The following COL12A1 variants were observed in gnomAD, a reference collection of about 807,000 sequenced individuals.
COL12A1 encodes collagen alpha-1(XII) chain.
A neutral mutation model predicts 349.7 loss-of-function variants in COL12A1; 114 were observed. The ratio of observed to expected loss-of-function variants is 0.33; its 90% CI spans 0.28 to 0.38. COL12A1 has a LOEUF of 0.38. Among genes scored for constraint, COL12A1 ranks in the 10% least tolerant of loss-of-function variants. The probability of loss-of-function intolerance (pLI) is 1.00; values close to 1 mark genes in which losing one functional copy is unlikely to be tolerated. For missense variants in COL12A1, 3,284 were observed against 3,756.9 expected (o/e 0.87, Z 3.29); for synonymous variants, 1,369 against 1,329.0 (o/e 1.03, Z -0.66).
intron 27 of COL12A1, among the ~76,000 whole-genome samples, chr6:75,140,399 G>C (rs1766831108): frequency 6.6e-6 from 1 of 152,202 alleles, no homozygotes; most frequent in Admixed American, 6.5e-5. Context: ...GCTCACGCCT[G>C]TAATCCCAGC....
At chr6:75,092,021 A>C (rs1339386730) in intron 60 of COL12A1, among the ~76,000 whole-genome samples, 1 of 152,194 alleles carries the variant, frequency 6.6e-6, no homozygotes, top group African/African-American at 2.4e-5. Flanking sequence ...AACTTCATCC[A>C]GTGATTCTTT....
intron 2 of COL12A1, among the ~76,000 whole-genome samples, chr6:75,196,215 T>C (rs1415927855): frequency 6.6e-6 from 1 of 152,188 alleles, no homozygotes; most frequent in Non-Finnish European, 1.5e-5. Context: ...CAAATTAAGA[T>C]GACTTTCAGC....
intron 15 of COL12A1, 79 bp downstream of exon 15, chr6:75,156,178 C>T: frequency 6.7e-7 from 1 of 1,495,250 alleles, no homozygotes; most frequent in South Asian, 1.3e-5. Flanking sequence ...TAAACATTTA[C>T]AAATGAAGTA....
At chr6:75,169,758 C>T (rs2149444478) in intron 13 of COL12A1, among the ~76,000 whole-genome samples, 1 of 152,098 alleles carries the variant, frequency 6.6e-6, no homozygotes, top group Non-Finnish European at 1.5e-5. Flanking sequence ...TCCTTTATTA[C>T]CATTCCTTTG....
At chr6:75,124,396 T>C (rs764026263) in intron 40 of COL12A1, 25 bp from the exon 41 acceptor site, 429 of 1,389,492 alleles carry the variant, frequency 3.1e-4, no homozygotes, top group Middle Eastern at 5.4e-4. Flanking sequence ...AAGAAAGAGA[T>C]TTACTTTGTA....
chr6:75,139,360 A>G (rs572603171), intron 27 of COL12A1, among the ~76,000 whole-genome samples: 2 of 152,340 alleles, frequency 1.3e-5, no homozygotes, highest in African/African-American at 4.8e-5. Flanking sequence ...CTGGGTTAAG[A>G]AGTCCTTATT....
At chr6:75,200,876 C>T (rs1275017620) in intron 2 of COL12A1, among the ~76,000 whole-genome samples, 2 of 150,458 alleles carry the variant, frequency 1.3e-5, no homozygotes, top group Non-Finnish European at 3.0e-5. Flanking sequence ...AAAATGAATC[C>T]TATTAAAATA....
At chr6:75,118,123 G>A (rs1769177513) in intron 46 of COL12A1, among the ~76,000 whole-genome samples, 1 of 152,000 alleles carries the variant, frequency 6.6e-6, no homozygotes, top group African/African-American at 2.4e-5. Context: ...AGCTATATAA[G>A]GAATTAGAAA....
At chr6:75,164,515 C>T (rs1446247208) in intron 14 of COL12A1, among the ~76,000 whole-genome samples, 1 of 152,160 alleles carries the variant, frequency 6.6e-6, no homozygotes, top group Admixed American at 6.6e-5. Flanking sequence ...CTTAGAAATG[C>T]CCATGCTTAA....
Position 75,115,768 on chromosome 6 carries a change from C to A in COL12A1, c.7697+16G>T, listed in dbSNP as rs778142936. The A allele has an allele frequency of 6.3e-7, 1 of 1,578,406 alleles. No individual in the cohort carries two copies. The highest frequency in any genetic ancestry group is 8.6e-7 in the Non-Finnish European group (1 of 1,165,918). On this transcript the variant is annotated intron_variant, in intron 49 of 65. Transcript: ENST00000322507. ...CAGGTCTTAAGAAAAGGAAAACCTC[C>A]TGTTGTCACACTTACGCTGTAGGCT...
intron 58 of COL12A1, 78 bp downstream of exon 58, chr6:75,101,522 T>A: frequency 7.0e-7 from 1 of 1,428,600 alleles, no homozygotes; most frequent in Non-Finnish European, 9.7e-7. Context: ...GCAAACTGGA[T>A]TTTGAAGGGT....
Position 75,132,048 on chromosome 6 carries a change from G to A in COL12A1, c.5829C>T (p.Tyr1943=). Residue 1943 remains tyrosine, a synonymous_variant, in exon 35 of 66, where the codon TAC becomes TAT. Coordinates refer to ENST00000322507, the MANE Select transcript of COL12A1 (RefSeq NM_004370.6). ...CATCGAGGCTGTTAGGTGTAGGATTGTATACTTGGACATTTCTTGCCAGTC... is the reference window on the plus strand; with the variant it reads ...CATCGAGGCTGTTAGGTGTAGGATTATATACTTGGACATTTCTTGCCAGTC... The part of the protein sequence containing the change: ...MRGLARNVQV[Y]NPTPNSLDVR... 1.2e-6 allele frequency: 2 copies of A among 1,614,030 alleles called. No homozygotes were observed. The highest frequency in any genetic ancestry group is 1.7e-6 in the Non-Finnish European group (2 of 1,179,908).
intron 8 of COL12A1, among the ~76,000 whole-genome samples, chr6:75,187,394 G>A (rs2149472530): frequency 6.6e-6 from 1 of 152,062 alleles, no homozygotes; most frequent in Admixed American, 6.6e-5. Flanking sequence ...TCCAACAGTG[G>A]CAGAAAAAAA....
At chr6:75,097,166 G>T in intron 59 of COL12A1, 87 bp downstream of exon 59, 1 of 1,048,980 alleles carries the variant, frequency 9.5e-7, no homozygotes, top group Non-Finnish European at 1.5e-6. Flanking sequence ...AGCACAGATG[G>T]AATGTGCTTC....
rs1562233846 is a variant in COL12A1 at position 75,152,152 on chromosome 6, T to C, written c.3814A>G (p.Lys1272Glu). 8.7e-6 allele frequency: 14 copies of C among 1,613,880 alleles called. No homozygotes were observed. The highest frequency in any genetic ancestry group is 1.0e-5 in the Non-Finnish European group (12 of 1,179,832). ...LLQAVANLPY[K>E]GGNTLTGMAL... ...TCACCTGTGAGAGTATTGCCTCCTT[T>C]GTACGGCAAGTTTGCCACAGCTTGC... Residue 1272 changes from lysine (K) to glutamate (E), a missense_variant, in exon 19 of 66, where the codon AAA becomes GAA. This residue lies in a region of COL12A1 where 2,601 missense variants were observed against 2,824.8 expected (regional missense o/e 0.92). Transcript: ENST00000322507.
chr6:75,161,478 A>G (rs1000269370), intron 14 of COL12A1, among the ~76,000 whole-genome samples: 3 of 152,114 alleles, frequency 2.0e-5, no homozygotes, highest in African/African-American at 7.2e-5. Context: ...GCCAATCGTA[A>G]CCTAAAAATG....
At chr6:75,104,373 A>G (rs1768442964) in intron 54 of COL12A1, among the ~76,000 whole-genome samples, 1 of 152,200 alleles carries the variant, frequency 6.6e-6, no homozygotes, top group African/African-American at 2.4e-5. Context: ...GAAAAAAAGA[A>G]TGGTAACCCC....
chr6:75,133,955 G>A lies in COL12A1; in HGVS notation c.5567C>T (p.Ser1856Phe). 1 of 1,614,074 alleles carries A rather than the reference G, an allele frequency of 6.2e-7. No individual in the cohort carries two copies. The highest frequency in any genetic ancestry group is 1.3e-5 in the African/African-American group (1 of 75,036). ...TVRNLRVYDP[S>F]TSTLNVRWDH... ...CCAGCGGACATTCAAGGTGCTGGTA[G>A]AAGGGTCATACACTCTCAGGTTCCT... is the stretch of plus-strand genomic sequence containing the variant. Residue 1856 changes from serine to phenylalanine, a missense_variant, in exon 33 of 66, where the codon TCT becomes TTT. Ser to Phe is a radical substitution (Grantham distance 155, BLOSUM62 -2). Around this residue, in one of 2 missense-constraint regions of COL12A1, gnomAD observed 2,601 missense variants for 2,824.8 expected, o/e 0.92. Coordinates refer to ENST00000322507, the MANE Select transcript of COL12A1 (RefSeq NM_004370.6).
rs749054316 is a variant in COL12A1 at position 75,194,946 on chromosome 6, A to G, written c.75T>C (p.Val25=). The change falls in exon 3 of 66, where the codon GTT becomes GTC. Residue 25 remains valine (V), a splice_region_variant and synonymous_variant. Coordinates refer to ENST00000322507, the MANE Select transcript of COL12A1 (RefSeq NM_004370.6). The part of the protein sequence containing the change: ...ALLLSSIEAE[V]DPPSDLNFKI... ...TAAAATTCAAGTCTGAAGGTGGGTC[A>G]ACTGCAAAAGAGAGAGTTTATATTA... 10 of 1,554,786 alleles carry G rather than the reference A, an allele frequency of 6.4e-6. No individual in the cohort carries two copies. The highest frequency in any genetic ancestry group is 7.9e-6 in the Non-Finnish European group (9 of 1,133,068).
Sources: allele counts gnomAD v4.1 joint callset (sites outside exome capture counted in the v4.1 genomes callset), GRCh38; gene constraint gnomAD v4.1.1; regional missense constraint gnomAD v4.1.1; transcripts MANE v1.5; gene names NCBI Gene and HGNC (gene_info 2026-07-23, HGNC 2026-07-21).